Variants in ALDH7A1 observed in about 807,000 individuals in gnomAD.
The protein encoded by ALDH7A1 is alpha-aminoadipic semialdehyde dehydrogenase.
A neutral mutation model predicts 79.9 loss-of-function variants in ALDH7A1; 63 were observed. That is an observed-to-expected ratio of 0.79 (90% CI 0.64 to 0.97). ALDH7A1 has a LOEUF of 0.97. Among genes scored for constraint, ALDH7A1 ranks in the 50% least tolerant of loss-of-function variants. ALDH7A1 has a pLI of 0.00. For missense variants in ALDH7A1, 627 were observed against 665.2 expected (o/e 0.94, Z 0.63); for synonymous variants, 240 against 231.2 (o/e 1.04, Z -0.34).
At chr5:126,552,557 T>C (rs1750036763) in intron 13 of ALDH7A1, among the ~76,000 whole-genome samples, 1 of 151,722 alleles carries the variant, frequency 6.6e-6, no homozygotes, top group Non-Finnish European at 1.5e-5. Context: ...CATGCCCAGC[T>C]AAATTTTTTT....
At chr5:126,594,492 T>C (rs1751672450) in intron 1 of ALDH7A1, 1 of 289,406 alleles carries the variant, frequency 3.5e-6, no homozygotes, top group South Asian at 3.0e-5. Flanking sequence ...TTGCTCAGGC[T>C]GGAGTGCAAT....
chr5:126,581,767 G>A (rs970348442), intron 5 of ALDH7A1: 43 of 173,696 alleles, frequency 2.5e-4, no homozygotes, highest in African/African-American at 9.7e-4. Context: ...ATCATGAGGT[G>A]AGGAGTTCAA....
chr5:126,557,890 G>A (rs1483448580), intron 11 of ALDH7A1, among the ~76,000 whole-genome samples: 1 of 151,968 alleles, frequency 6.6e-6, no homozygotes, highest in Non-Finnish European at 1.5e-5. Flanking sequence ...CCTCAGGGCT[G>A]GGCATGATGG....
chr5:126,593,565 A>T, intron 1 of ALDH7A1, 161 bp from the exon 2 acceptor site: 1 of 1,010,182 alleles, frequency 9.9e-7, no homozygotes, highest in Non-Finnish European at 1.5e-6. Flanking sequence ...CACTCTACAG[A>T]GGTTGTCTTT....
intron 13 of ALDH7A1, 88 bp downstream of exon 13, chr5:126,554,199 G>T (rs1241097409): frequency 1.8e-5 from 18 of 1,020,488 alleles, no homozygotes; most frequent in Middle Eastern, 6.1e-4. Context: ...AAATGGGGTG[G>T]CTTTTCCAAT....
rs61757685 is a variant in ALDH7A1 at position 126,577,176 on chromosome 5, C to T, written c.553G>A (p.Val185Ile). The T allele has an allele frequency of 2.6e-4, 425 of 1,613,992 alleles. No individual in the cohort carries two copies. Among genetic ancestry groups the T allele is most frequent in the Non-Finnish European group, 3.3e-4 (390 of 1,180,032 alleles). ...GCCGTGATGATTCCAACCAGGCCTACGGGATTCCACTGCTCAATCAGTGCA... is the reference window on the plus strand; with the variant it reads ...GCCGTGATGATTCCAACCAGGCCTATGGGATTCCACTGCTCAATCAGTGCA... ...GHALIEQWNP[V>I]GLVGIITAFN... The change falls in exon 6 of 18, where the codon GTA (valine) becomes ATA (isoleucine). Residue 185 changes from valine (V) to isoleucine (I), a missense_variant. Coordinates refer to ENST00000409134, the MANE Select transcript of ALDH7A1 (RefSeq NM_001182.5).
At chr5:126,575,713 A>G (rs1250170972) in intron 6 of ALDH7A1, among the ~76,000 whole-genome samples, 1 of 152,238 alleles carries the variant, frequency 6.6e-6, no homozygotes, top group Non-Finnish European at 1.5e-5. Context: ...TGCTGCACTG[A>G]TCGCAGGAAT....
Position 126,552,113 on chromosome 5 carries a change from C to T in ALDH7A1, c.1225G>A (p.Val409Ile). 1 of 1,613,972 alleles carries T rather than the reference C, an allele frequency of 6.2e-7. No homozygotes were observed. Among genetic ancestry groups the T allele is most frequent in the Non-Finnish European group, 8.5e-7 (1 of 1,179,940 alleles). ...AGACCTGTCACAATTGTCGGTTCTA[C>T]ATAATTTCCAGGGCGATCCATAACC... ...GKVMDRPGNY[V>I]EPTIVTGLGH... is the part of the protein sequence containing the mutation. The change falls in exon 14 of 18, where the codon GTA becomes ATA. Residue 409 changes from valine to isoleucine, a missense_variant. By Grantham distance (29) the Val-to-Ile change is conservative (BLOSUM62 3). Transcript: ENST00000409134.
Position 126,541,981 on chromosome 5 carries a change from G to C in ALDH7A1, c.*2984C>G, listed in dbSNP as rs1749611110. 7.1e-6 allele frequency: 1 copy of C among 141,574 alleles called. No homozygotes were observed. The highest frequency in any genetic ancestry group is 2.6e-5 in the African/African-American group (1 of 38,110). 8.8% of individuals were successfully genotyped at this position (141,574 alleles called of 1,614,324 possible). On this transcript the variant is annotated 3_prime_UTR_variant, in exon 18 of 18. Coordinates refer to ENST00000409134, the MANE Select transcript of ALDH7A1 (RefSeq NM_001182.5). ...CCTTTCCAATAGAAAAAAAAAAAGAGCAAACTCTAACTGCCTACAACATTT... is the reference window on the plus strand; with the variant it reads ...CCTTTCCAATAGAAAAAAAAAAAGACCAAACTCTAACTGCCTACAACATTT...
chr5:126,558,231 T>C (rs890946626), intron 11 of ALDH7A1, among the ~76,000 whole-genome samples: 3 of 143,024 alleles, frequency 2.1e-5, no homozygotes, highest in Non-Finnish European at 3.0e-5. Flanking sequence ...AGTTATAGTA[T>C]AGTCTTTTAG....
Position 126,571,294 on chromosome 5 carries a change from A to T in ALDH7A1, c.696-435T>A, listed in dbSNP as rs370076116. 2.0e-5 allele frequency among the ~76,000 whole-genome samples: 3 copies of T among 151,632 alleles called. No homozygotes were observed. The East Asian group carries it at 5.8e-4, about 29-fold the overall frequency. ...GGAGTTCAACACCAGCCTGGCCAACATGGTGAAACCCCATCTCTACTAAAA... is the reference window on the plus strand; with the variant it reads ...GGAGTTCAACACCAGCCTGGCCAACTTGGTGAAACCCCATCTCTACTAAAA... On this transcript the variant is annotated intron_variant, in intron 7 of 17. Transcript: ENST00000409134.
At chr5:126,565,050 G>C (rs552118492) in intron 9 of ALDH7A1, among the ~76,000 whole-genome samples, 5 of 152,136 alleles carry the variant, frequency 3.3e-5, no homozygotes, top group Non-Finnish European at 5.9e-5. Flanking sequence ...AAATCTGCTC[G>C]TGGGACTAAT....
Position 126,593,347 on chromosome 5 carries a change from T to C in ALDH7A1, c.246+4A>G. 2.6e-6 allele frequency: 4 copies of C among 1,553,134 alleles called. No homozygotes were observed. Among genetic ancestry groups the C allele is most frequent in the Non-Finnish European group, 2.6e-6 (3 of 1,150,116 alleles). On this transcript the variant is annotated splice_donor_region_variant and intron_variant, in intron 2 of 17. Coordinates refer to ENST00000409134, the MANE Select transcript of ALDH7A1 (RefSeq NM_001182.5). ...CACACACACACACACACACACACTCTTACCTGTCGGACTCTTGCTATTGGC... is the reference window on the plus strand; with the variant it reads ...CACACACACACACACACACACACTCCTACCTGTCGGACTCTTGCTATTGGC...
chr5:126,559,338 A>C lies in ALDH7A1; in HGVS notation c.914-4T>G, dbSNP rs771187992. The C allele has an allele frequency of 2.1e-5, 34 of 1,612,042 alleles. No individual in the cohort carries two copies. Among genetic ancestry groups the C allele is most frequent in the Non-Finnish European group, 2.8e-5 (33 of 1,178,572 alleles). On this transcript the variant is annotated splice_region_variant and splice_polypyrimidine_tract_variant and intron_variant, in intron 10 of 17. Transcript: ENST00000409134. ...CTGAGGTCTGCATCTTCAAAGGCTT[A>C]GGAAAGCACAAACACTTCCATCAGC...
intron 3 of ALDH7A1, chr5:126,588,359 G>T (rs1164403465): frequency 6.6e-6 from 1 of 150,428 alleles, no homozygotes; most frequent in Non-Finnish European, 1.5e-5. Context: ...CATGCCTGTA[G>T]TCCCGGCTAC....
rs1561659225 is a variant in ALDH7A1, at chr5:126,568,278, C to CA, written c.851dup (p.Met285AspfsTer23). Reference sequence around the variant, plus strand: ...ACTTACCAAACCTCTCCTGCACCATCAGGCCCACCTGTTTTCCCACCTGAG... The same window carrying CA: ...ACTTACCAAACCTCTCCTGCACCATCAAGGCCCACCTGTTTTCCCACCTGAG... On this transcript the variant is annotated frameshift_variant, in exon 9 of 18. Transcript: ENST00000409134. LOFTEE classifies it high-confidence loss of function. The CA allele has an allele frequency of 6.2e-7, 1 of 1,614,178 alleles. No individual in the cohort carries two copies.
In ALDH7A1 at chr5:126,544,000, CTG is replaced by C. The variant is rs1039463901; in HGVS notation, c.*963_*964del. On this transcript the variant is annotated 3_prime_UTR_variant, in exon 18 of 18. Coordinates refer to ENST00000409134, the MANE Select transcript of ALDH7A1 (RefSeq NM_001182.5). ...TTTTTTTTTTGTAGACAGGATCTCA[CTG>C]TTGCCCAGGCAGTGGCACAATCTAG... is the stretch of plus-strand genomic sequence containing the variant. The C allele has an allele frequency of 2.8e-5, 4 of 141,660 alleles. No homozygotes were observed. Among genetic ancestry groups the C allele is most frequent in the African/African-American group, 1.1e-4 (4 of 37,886 alleles). The allele number at this position is 141,660 out of a possible 1,614,324, so 8.8% of individuals were successfully genotyped here.
At chr5:126,575,667 A>C (rs1460954133) in intron 6 of ALDH7A1, among the ~76,000 whole-genome samples, 4 of 152,216 alleles carry the variant, frequency 2.6e-5, no homozygotes, top group Non-Finnish European at 5.9e-5. Flanking sequence ...AACTTTCATG[A>C]ACATAAAAAT....
In ALDH7A1 at chr5:126,544,806, A is replaced by C; in HGVS notation, c.*159T>G. ...ATTTTATTTTGATTTTTAAAAAAGGAATCTCTTGATTTAATCAGGGCTTTG... is the reference window on the plus strand; with the variant it reads ...ATTTTATTTTGATTTTTAAAAAAGGCATCTCTTGATTTAATCAGGGCTTTG... On this transcript the variant is annotated 3_prime_UTR_variant, in exon 18 of 18. Coordinates refer to ENST00000409134, the MANE Select transcript of ALDH7A1 (RefSeq NM_001182.5). 3.1e-6 allele frequency: 2 copies of C among 638,614 alleles called. No individual in the cohort carries two copies. The highest frequency in any genetic ancestry group is 5.5e-6 in the Non-Finnish European group (2 of 360,428). The allele number at this position is 638,614 out of a possible 1,614,324, so 39.6% of individuals were successfully genotyped here.
Sources: allele counts gnomAD v4.1 joint callset (sites outside exome capture counted in the v4.1 genomes callset), GRCh38; gene constraint gnomAD v4.1.1; transcripts MANE v1.5; gene names NCBI Gene and HGNC (gene_info 2026-07-23, HGNC 2026-07-21).